The following CERS6 variants were observed in gnomAD, a reference collection of about 807,000 sequenced individuals.
CERS6 encodes the protein LAG1 homolog, ceramide synthase 6.
A neutral mutation model predicts 56.8 loss-of-function variants in CERS6; 26 were observed. The ratio of observed to expected loss-of-function variants is 0.46; its 90% CI spans 0.34 to 0.63. CERS6 has a LOEUF of 0.63. Among genes scored for constraint, CERS6 ranks in the 30% least tolerant of loss-of-function variants. The pLI, the probability that CERS6 is intolerant of heterozygous loss-of-function variation, is 0.01. For synonymous variants in CERS6, 164 were observed against 173.3 expected (o/e 0.95, Z 0.42); for missense variants, 415 against 467.5 (o/e 0.89, Z 1.04).
At chr2:168,501,243 A>G (rs984668883) in intron 1 of CERS6, among the ~76,000 whole-genome samples, 1 of 152,184 alleles carries the variant, frequency 6.6e-6, no homozygotes, top group African/African-American at 2.4e-5. Context: ...GGTAGGTGCC[A>G]TTTTCGGATG....
intron 1 of CERS6, among the ~76,000 whole-genome samples, chr2:168,458,763 A>G (rs546374230): frequency 5.3e-5 from 8 of 152,230 alleles, no homozygotes; most frequent in Non-Finnish European, 1.2e-4. Context: ...TTGGAAGACT[A>G]TCTACTTTGT....
intron 6 of CERS6, among the ~76,000 whole-genome samples, chr2:168,705,157 TC>T (rs1268224607): frequency 6.6e-6 from 1 of 152,178 alleles, no homozygotes; most frequent in Non-Finnish European, 1.5e-5. Flanking sequence ...GATGTGGCAT[TC>T]CCGTGCCTCA....
chr2:168,756,996 T>A (rs755614669), intron 8 of CERS6, among the ~76,000 whole-genome samples: 7 of 152,176 alleles, frequency 4.6e-5, no homozygotes, highest in Non-Finnish European at 1.0e-4. Context: ...ATAGTTAATG[T>A]TCAATAAGTA....
At chr2:168,721,620 T>TAA (rs537701230) in intron 8 of CERS6, among the ~76,000 whole-genome samples, 24 of 129,644 alleles carry the variant, frequency 1.9e-4, no homozygotes, top group Admixed American at 2.3e-4. Flanking sequence ...TGGTAGTGTT[T>TAA]AAAAAAAAAA....
chr2:168,739,052 A>ATTTTTTTTT (rs59967315), intron 8 of CERS6, among the ~76,000 whole-genome samples: 12 of 87,644 alleles, frequency 1.4e-4, no homozygotes, highest in African/African-American at 2.0e-4. Flanking sequence ...CACCCGGCTA[A>ATTTTTTTTT]TTTTTTTTTT....
intron 8 of CERS6, among the ~76,000 whole-genome samples, chr2:168,744,089 T>G (rs1684018360): frequency 7.2e-6 from 1 of 138,822 alleles, no homozygotes; most frequent in African/African-American, 2.7e-5. Context: ...CACTGCAAGC[T>G]CCACCTCCTG....
At chr2:168,531,499 T>C (rs1302050365) in intron 1 of CERS6, among the ~76,000 whole-genome samples, 1 of 152,188 alleles carries the variant, frequency 6.6e-6, no homozygotes, top group Admixed American at 6.5e-5. Flanking sequence ...GTGCATCTTA[T>C]GCTCTTCCCA....
rs1406902164 is a variant in CERS6, at chr2:168,713,978, T to C, written c.610-1023T>C. On this transcript the variant is annotated intron_variant, in intron 6 of 9. Coordinates refer to ENST00000305747, the MANE Select transcript of CERS6 (RefSeq NM_203463.3). The stretch of plus-strand genomic sequence containing the variant: ...GCTGCTGTGGCAAAATACTGTAGAT[T>C]TGGAGTCCTGTAAACAACAGAAATT... Among the ~76,000 whole-genome samples, 3 of 152,148 alleles carry C rather than the reference T, an allele frequency of 2.0e-5. No individual in the cohort carries two copies. The East Asian group carries it at 5.8e-4, about 29-fold the overall frequency.
chr2:168,689,734 A>G (rs1009437581), intron 4 of CERS6, among the ~76,000 whole-genome samples: 5 of 152,190 alleles, frequency 3.3e-5, no homozygotes, highest in African/African-American at 4.8e-5. Flanking sequence ...CAAAATCAGG[A>G]GCCTAATTAA....
In CERS6 at chr2:168,620,544, T is replaced by G. The variant is rs140895195; in HGVS notation, c.408-10441T>G. On this transcript the variant is annotated intron_variant, in intron 3 of 9. Coordinates refer to ENST00000305747, the MANE Select transcript of CERS6 (RefSeq NM_203463.3). ...TTCTCATCGAATTCCCCTAACAACC[T>G]TAAGAATTAGGTATTTTAGTCCCCA... 3.0e-3 allele frequency among the ~76,000 whole-genome samples: 451 copies of G among 152,268 alleles called. 2 individuals are homozygous for G. The highest frequency in any genetic ancestry group is 0.01 in the Middle Eastern group (3 of 294).
At chr2:168,657,242 A>AG (rs1286263092) in intron 4 of CERS6, among the ~76,000 whole-genome samples, 2 of 151,004 alleles carry the variant, frequency 1.3e-5, no homozygotes, top group East Asian at 2.0e-4. Context: ...CAGAGCAGCT[A>AG]ATACAGAGTG....
chr2:168,562,308 G>A (rs1695805652), intron 3 of CERS6, among the ~76,000 whole-genome samples: 1 of 152,178 alleles, frequency 6.6e-6, no homozygotes, highest in Non-Finnish European at 1.5e-5. Flanking sequence ...TGGGATGAGA[G>A]ACTGAGAAAA....
intron 3 of CERS6, among the ~76,000 whole-genome samples, chr2:168,600,425 C>T (rs62175820): frequency 0.21 from 31,511 of 152,044 alleles, 3,873 homozygotes; most frequent in Non-Finnish European, 0.29. Flanking sequence ...AGGATGGTCT[C>T]GATCTCCTGA....
intron 8 of CERS6, among the ~76,000 whole-genome samples, chr2:168,726,723 T>C (rs1683364717): frequency 6.6e-6 from 1 of 152,250 alleles, no homozygotes; most frequent in Non-Finnish European, 1.5e-5. Context: ...TATAAAATTC[T>C]TTATAAATAT....
At chr2:168,713,894 G>A (rs1559063802) in intron 6 of CERS6, among the ~76,000 whole-genome samples, 2 of 152,086 alleles carry the variant, frequency 1.3e-5, no homozygotes, top group South Asian at 4.2e-4. Context: ...ACACCGAGAT[G>A]CACATTCCAA....
chr2:168,561,163 A>C, intron 2 of CERS6, 29 bp from the exon 3 acceptor site: 1 of 1,612,246 alleles, frequency 6.2e-7, no homozygotes, highest in East Asian at 2.2e-5. Flanking sequence ...ATGGATTGAA[A>C]ATTATTTTTC....
At chr2:168,760,539 G>T (rs928859616) in intron 8 of CERS6, among the ~76,000 whole-genome samples, 13 of 152,232 alleles carry the variant, frequency 8.5e-5, no homozygotes, top group Middle Eastern at 3.4e-3. Flanking sequence ...TTGACACTCA[G>T]TATTAACTAT....
intron 4 of CERS6, among the ~76,000 whole-genome samples, chr2:168,637,215 C>T (rs1180889914): frequency 6.6e-6 from 1 of 152,156 alleles, no homozygotes; most frequent in Non-Finnish European, 1.5e-5. Flanking sequence ...CGGTGGCTCA[C>T]GCCTGTAATC....
chr2:168,680,719 C>T (rs1368209444), intron 4 of CERS6, among the ~76,000 whole-genome samples: 1 of 152,210 alleles, frequency 6.6e-6, no homozygotes, highest in Non-Finnish European at 1.5e-5. Context: ...TTCACACAGC[C>T]TTTGGGTAGC....
Sources: gnomAD v4.1 joint callset for allele counts (sites outside exome capture counted in the v4.1 genomes callset) on GRCh38, gnomAD v4.1.1 for gene constraint, MANE v1.5 for transcripts, NCBI Gene and HGNC (gene_info 2026-07-23, HGNC 2026-07-21) for gene names.